TGFB2: variants seen among roughly 807,000 people sequenced by gnomAD.
TGFB2 encodes the protein transforming growth factor beta 2.
TGFB2 carries 13 observed loss-of-function variants against 42.7 expected under a neutral mutation model. The observed-to-expected ratio is 0.30, with a 90% CI of 0.20 to 0.48. The LOEUF is 0.48. Ranked by LOEUF, TGFB2 falls within the 20% of genes least tolerant of loss-of-function variation. The pLI, the probability that TGFB2 is intolerant of heterozygous loss-of-function variation, is 0.99. For synonymous variants in TGFB2, 193 were observed against 193.6 expected (o/e 1.00, Z 0.03); for missense variants, 390 against 517.5 (o/e 0.75, Z 2.39).
chr1:218,353,604 A>G (rs1190038213), intron 1 of TGFB2, among the ~76,000 whole-genome samples: 1 of 152,186 alleles, frequency 6.6e-6, no homozygotes, highest in Non-Finnish European at 1.5e-5. Context: ...TCACACCTTT[A>G]AAAATCCTTC....
intron 1 of TGFB2, among the ~76,000 whole-genome samples, chr1:218,365,796 A>C (rs1657369078): frequency 6.6e-6 from 1 of 152,062 alleles, no homozygotes; most frequent in Non-Finnish European, 1.5e-5. Context: ...AACACTCGTT[A>C]AGTGAAGTTG....
chr1:218,395,608 T>A (rs1658481120), intron 1 of TGFB2, among the ~76,000 whole-genome samples: 1 of 139,174 alleles, frequency 7.2e-6, no homozygotes, highest in Admixed American at 6.9e-5. Context: ...TTCTTTTCTT[T>A]TTCTTTTTTT....
chr1:218,425,113 A>G (rs540278544), intron 2 of TGFB2, among the ~76,000 whole-genome samples: 22 of 152,338 alleles, frequency 1.4e-4, no homozygotes, highest in Admixed American at 3.3e-4. Flanking sequence ...CTCCACTGGT[A>G]TTAAGAGGGA....
At chr1:218,358,754 G>A (rs1440310584) in intron 1 of TGFB2, among the ~76,000 whole-genome samples, 2 of 151,964 alleles carry the variant, frequency 1.3e-5, no homozygotes, top group Non-Finnish European at 2.9e-5. Flanking sequence ...GTGTTAGCCA[G>A]GATGGTCTCA....
intron 1 of TGFB2, among the ~76,000 whole-genome samples, chr1:218,400,931 A>G (rs1393600562): frequency 1.3e-5 from 2 of 152,166 alleles, no homozygotes; most frequent in East Asian, 3.9e-4. Context: ...GACAGGTGAC[A>G]GGAGGTGGGA....
At position 218,367,075 on chromosome 1, in the gene TGFB2, C is replaced by A. The variant is rs141246238; in HGVS notation, c.346+20028C>A. ...TGAGTGTGCAAGGAAGTAAATTAATCGTGTGTGGGTGTTGGATGTTATGTA... is the reference window on the plus strand; with the variant it reads ...TGAGTGTGCAAGGAAGTAAATTAATAGTGTGTGGGTGTTGGATGTTATGTA... On this transcript the variant is annotated intron_variant, in intron 1 of 6. Coordinates refer to ENST00000366930, the MANE Select transcript of TGFB2 (RefSeq NM_003238.6). Among the ~76,000 whole-genome samples, 333 of 152,302 alleles carry A rather than the reference C, an allele frequency of 2.2e-3. 2 individuals carry two copies. The highest frequency in any genetic ancestry group is 7.7e-3 in the African/African-American group (321 of 41,574).
chr1:218,443,262 T>C lies in TGFB2; in HGVS notation c.*1900T>C, dbSNP rs1337278376. The C allele has an allele frequency of 6.6e-6, 1 of 152,232 alleles. No homozygotes were observed. The highest frequency in any genetic ancestry group is 1.5e-5 in the Non-Finnish European group (1 of 68,032). 9.4% of individuals were successfully genotyped at this position (152,232 alleles called of 1,614,324 possible). On this transcript the variant is annotated 3_prime_UTR_variant, in exon 7 of 7. Coordinates refer to ENST00000366930, the MANE Select transcript of TGFB2 (RefSeq NM_003238.6). ...AGAGGTATCCTCATGCTGGGGTTAA[T>C]AGAATATGTCAGTTTATCACTTGTC...
At chr1:218,400,729 T>C (rs1425505797) in intron 1 of TGFB2, among the ~76,000 whole-genome samples, 1 of 152,210 alleles carries the variant, frequency 6.6e-6, no homozygotes, top group African/African-American at 2.4e-5. Flanking sequence ...CCTGAACATA[T>C]TGTGGCACTG....
chr1:218,405,159 T>G lies in TGFB2; in HGVS notation c.347-10T>G. 6.4e-7 allele frequency: 1 copy of G among 1,565,872 alleles called. No homozygotes were observed. Among genetic ancestry groups the G allele is most frequent in the Non-Finnish European group, 8.7e-7 (1 of 1,153,392 alleles). ...TTATCATTTTCAATGATTGCCCTAA[T>G]TTTTTACAGATGCCATCCCGCCCAC... On this transcript the variant is annotated splice_polypyrimidine_tract_variant and intron_variant, in intron 1 of 6. Coordinates refer to ENST00000366930, the MANE Select transcript of TGFB2 (RefSeq NM_003238.6).
chr1:218,437,117 T>C (rs1173401236), intron 5 of TGFB2, among the ~76,000 whole-genome samples: 1 of 152,116 alleles, frequency 6.6e-6, no homozygotes, highest in African/African-American at 2.4e-5. Flanking sequence ...ATAGAACTCA[T>C]AAGGGCAAGT....
In TGFB2 at chr1:218,375,322, G is replaced by T. The variant is rs189700314; in HGVS notation, c.346+28275G>T. ...TGACAATTAGTCTTACAATTGAGTAGCAAGAAAATATAGGATTTGCATACA... is the reference window on the plus strand; with the variant it reads ...TGACAATTAGTCTTACAATTGAGTATCAAGAAAATATAGGATTTGCATACA... On this transcript the variant is annotated intron_variant, in intron 1 of 6. Transcript: ENST00000366930. Among the ~76,000 whole-genome samples the T allele has an allele frequency of 9.9e-5, 15 of 151,552 alleles. No individual in the cohort carries two copies. In the East Asian group the frequency reaches 2.7e-3, roughly 27 times the overall value.
chr1:218,421,812 A>C (rs543254700), intron 2 of TGFB2, among the ~76,000 whole-genome samples: 1 of 152,304 alleles, frequency 6.6e-6, no homozygotes, highest in East Asian at 1.9e-4. Flanking sequence ...AAAGACAGCC[A>C]TGTGAAGACT....
At chr1:218,387,384 T>G (rs1158600872) in intron 1 of TGFB2, among the ~76,000 whole-genome samples, 1 of 152,112 alleles carries the variant, frequency 6.6e-6, no homozygotes, top group Non-Finnish European at 1.5e-5. Flanking sequence ...TGTTAGAGGT[T>G]AAGAGAGAGA....
chr1:218,398,904 G>A (rs1571869528), intron 1 of TGFB2, among the ~76,000 whole-genome samples: 1 of 151,762 alleles, frequency 6.6e-6, no homozygotes, highest in East Asian at 1.9e-4. Flanking sequence ...TTTTTTTAGA[G>A]ACAGGTCTCA....
intron 1 of TGFB2, among the ~76,000 whole-genome samples, chr1:218,389,928 A>T (rs1050675043): frequency 6.6e-6 from 1 of 152,180 alleles, no homozygotes; most frequent in African/African-American, 2.4e-5. Flanking sequence ...TGACTTTAGG[A>T]TATACTTGAG....
intron 1 of TGFB2, among the ~76,000 whole-genome samples, chr1:218,368,265 C>G (rs1451352035): frequency 6.6e-6 from 1 of 152,152 alleles, no homozygotes; most frequent in African/African-American, 2.4e-5. Flanking sequence ...CTGCCTGAAT[C>G]TCCCGAGTAG....
At chr1:218,398,463 T>C (rs1364121040) in intron 1 of TGFB2, among the ~76,000 whole-genome samples, 1 of 152,258 alleles carries the variant, frequency 6.6e-6, no homozygotes, top group African/African-American at 2.4e-5. Context: ...AAGCCTCAAA[T>C]CTACATTCTG....
chr1:218,379,234 G>C (rs1431865646), intron 1 of TGFB2, among the ~76,000 whole-genome samples: 1 of 150,302 alleles, frequency 6.7e-6, no homozygotes. Flanking sequence ...CCGGGTTCAC[G>C]CCATTCTCCT....
chr1:218,423,431 C>A (rs375715135), intron 2 of TGFB2, among the ~76,000 whole-genome samples: 1 of 152,070 alleles, frequency 6.6e-6, no homozygotes, highest in Non-Finnish European at 1.5e-5. Context: ...GGGAAAGGGA[C>A]CTGACTTTAG....
Sources: allele counts gnomAD v4.1 joint callset (sites outside exome capture counted in the v4.1 genomes callset), GRCh38; gene constraint gnomAD v4.1.1; transcripts MANE v1.5; gene names NCBI Gene and HGNC (gene_info 2026-07-23, HGNC 2026-07-21).